FMR1: variants seen among roughly 807,000 people sequenced by gnomAD.
The protein encoded by FMR1 is fragile X messenger ribonucleoprotein 1.
A neutral mutation model predicts 50.6 loss-of-function variants in FMR1; 13 were observed. That is an observed-to-expected ratio of 0.26 (90% CI 0.17 to 0.41). FMR1 has a LOEUF of 0.41. FMR1 is among the 10% of genes least tolerant of loss of function. The probability of loss-of-function intolerance (pLI) is 1.00; values close to 1 mark genes in which losing one functional copy is unlikely to be tolerated. For missense variants in FMR1, 316 were observed against 491.3 expected, an observed-to-expected ratio of 0.64 and a Z score of 3.37; for synonymous variants, 138 against 164.1, an observed-to-expected ratio of 0.84 and a Z score of 1.22.
intron 13 of FMR1, among the ~76,000 whole-genome samples, chrX:147,942,663 A>C (rs2044047771): frequency 8.9e-6 from 1 of 112,721 alleles, no homozygotes; most frequent in Admixed American, 9.4e-5. Flanking sequence ...TTGTAAATTA[A>C]GATATTAACT....
chrX:147,933,773 C>G, intron 9 of FMR1: 5 of 338,375 alleles, frequency 1.5e-5, no homozygotes, highest in Non-Finnish European at 1.9e-5. Context: ...AAGAAGAAAG[C>G]AAGGACTTCT....
chrX:147,919,989 A>G (rs1203519191), intron 1 of FMR1, among the ~76,000 whole-genome samples: 11 of 112,440 alleles, frequency 9.8e-5, no homozygotes, highest in Non-Finnish European at 1.9e-4. Context: ...GGCATGTTCT[A>G]TATACCAGAA....
chrX:147,945,739 T>C, intron 16 of FMR1, 123 bp downstream of exon 16: 2 of 549,810 alleles, frequency 3.6e-6, no homozygotes, highest in Non-Finnish European at 3.1e-6. Flanking sequence ...GTGAAATATT[T>C]TACCTTCAAC....
At chrX:147,940,800 A>G (rs782716936) in intron 13 of FMR1, 138 bp downstream of exon 13, 4 of 457,982 alleles carry the variant, frequency 8.7e-6, no homozygotes, top group Non-Finnish European at 1.5e-5. Flanking sequence ...TAGAGAAAAT[A>G]CGTTGTTTGG....
intron 1 of FMR1, chrX:147,912,606 C>T: frequency 3.3e-6 from 1 of 302,314 alleles, no homozygotes. Flanking sequence ...ACATCATCTC[C>T]CAGCGGGATC....
At chrX:147,934,286 G>T (rs1161738013) in intron 9 of FMR1, among the ~76,000 whole-genome samples, 2 of 110,266 alleles carry the variant, frequency 1.8e-5, no homozygotes, top group Non-Finnish European at 3.8e-5. Flanking sequence ...CATGATGGTA[G>T]TGGGGAAAGT....
chrX:147,937,237 A>G (rs2043819547), intron 10 of FMR1, among the ~76,000 whole-genome samples: 1 of 112,016 alleles, frequency 8.9e-6, no homozygotes, highest in African/African-American at 3.2e-5. Context: ...GTCTCATCAA[A>G]GAGCCGTAAT....
chrX:147,931,152 T>C, intron 7 of FMR1, among the ~76,000 whole-genome samples: 1 of 112,047 alleles, frequency 8.9e-6, no homozygotes. Context: ...CCTGTGTTCA[T>C]GATTTTGTGG....
chrX:147,945,966 TC>T (rs1389417765), intron 16 of FMR1, among the ~76,000 whole-genome samples: 3 of 111,995 alleles, frequency 2.7e-5, no homozygotes, highest in African/African-American at 9.8e-5. Context: ...AACCTCTGCC[TC>T]CCGGGTTCAA....
intron 2 of FMR1, among the ~76,000 whole-genome samples, chrX:147,924,196 C>G (rs2043297944): frequency 9.0e-6 from 1 of 110,849 alleles, no homozygotes; most frequent in Non-Finnish European, 1.9e-5. Flanking sequence ...TATAATAACT[C>G]AGAGGAGGGT....
At chrX:147,925,491 G>C (rs1557177356) in intron 2 of FMR1, 49 bp from the exon 3 acceptor site, 1 of 950,953 alleles carries the variant, frequency 1.1e-6, no homozygotes, top group African/African-American at 1.9e-5. Context: ...CATTATTTCA[G>C]TTAAACATGA....
chrX:147,945,449 T>G, intron 15 of FMR1, 85 bp from the exon 16 acceptor site: 1 of 742,191 alleles, frequency 1.3e-6, no homozygotes. Flanking sequence ...TGTGGTTGGT[T>G]TAAATAGAGG....
At chrX:147,947,805 A>G (rs1049547851) in intron 16 of FMR1, among the ~76,000 whole-genome samples, 2 of 112,141 alleles carry the variant, frequency 1.8e-5, no homozygotes, top group Non-Finnish European at 3.8e-5. Context: ...CATACTTTGA[A>G]ATTACAACCA....
chrX:147,933,517 T>C, intron 9 of FMR1: 1 of 926,823 alleles, frequency 1.1e-6, no homozygotes, highest in Non-Finnish European at 1.4e-6. Flanking sequence ...TTGACTTGAG[T>C]AGTGTTTTAT....
chrX:147,914,037 C>T (rs933498697), intron 1 of FMR1: 1 of 112,341 alleles, frequency 8.9e-6, no homozygotes, highest in African/African-American at 3.2e-5. Flanking sequence ...CTTCCAGCAA[C>T]TTATGATTTG....
chrX:147,925,864 G>A (rs1205732540), intron 3 of FMR1, among the ~76,000 whole-genome samples: 2 of 111,873 alleles, frequency 1.8e-5, no homozygotes, highest in African/African-American at 6.5e-5. Context: ...AGTCACTGCC[G>A]CAAGTTCCTT....
intron 9 of FMR1, chrX:147,933,749 C>A: frequency 2.1e-6 from 1 of 478,236 alleles, no homozygotes; most frequent in Non-Finnish European, 2.6e-6. Flanking sequence ...AATACATGTT[C>A]TTTGGAAACT....
At chrX:147,929,885 C>A in intron 5 of FMR1, 63 bp from the exon 6 acceptor site, 1 of 744,003 alleles carries the variant, frequency 1.3e-6, no homozygotes, top group Non-Finnish European at 2.0e-6. Flanking sequence ...GTAAATCTGC[C>A]TGCATTTATT....
Position 147,945,575 on chromosome X carries a change from C to T in FMR1, c.1696C>T (p.Pro566Ser). The part of the protein sequence containing the change: ...HSRTDNRPRN[P>S]REAKGRTTDG... Reference sequence around the variant, plus strand: ...CCGAACAGATAATCGTCCACGTAATCCAAGAGAGGCTAAAGGAAGAACAAC... The same window carrying T: ...CCGAACAGATAATCGTCCACGTAATTCAAGAGAGGCTAAAGGAAGAACAAC... Residue 566 changes from proline (P) to serine (S), a missense_variant, in exon 16 of 17, where the codon CCA becomes TCA. Around this residue, in one of 4 missense-constraint regions of FMR1, gnomAD observed 124 missense variants for 160.8 expected, o/e 0.77. Coordinates refer to ENST00000370475, the MANE Select transcript of FMR1 (RefSeq NM_002024.6). 8.3e-7 allele frequency: 1 copy of T among 1,209,199 alleles called. No individual in the cohort carries two copies. Among genetic ancestry groups the T allele is most frequent in the Non-Finnish European group, 1.1e-6 (1 of 893,043 alleles).
Sources: allele counts gnomAD v4.1 joint callset (sites outside exome capture counted in the v4.1 genomes callset), GRCh38; gene constraint gnomAD v4.1.1; regional missense constraint gnomAD v4.1.1; transcripts MANE v1.5; gene names NCBI Gene and HGNC (gene_info 2026-07-23, HGNC 2026-07-21).